BTBD2: variants seen among roughly 807,000 people sequenced by gnomAD.
BTBD2 encodes BTB domain containing 2, also known as BTB/POZ domain-containing protein 2.
In BTBD2, 15 loss-of-function variants were observed where a neutral mutation model predicts 44.0. The ratio of observed to expected loss-of-function variants is 0.34; its 90% CI spans 0.23 to 0.53. BTBD2 has a LOEUF of 0.53. BTBD2 is among the 20% of genes least tolerant of loss of function. BTBD2 has a pLI of 0.95. For synonymous variants in BTBD2, 443 were observed against 335.9 expected (o/e 1.32, Z -3.49); for missense variants, 657 against 746.4 (o/e 0.88, Z 1.39).
Position 1,986,316 on chromosome 19 carries a change from T to G in BTBD2, c.*172A>C. 1 of 798,850 alleles carries G rather than the reference T, an allele frequency of 1.3e-6. No homozygotes were observed. Among genetic ancestry groups the G allele is most frequent in the East Asian group, 2.7e-5 (1 of 36,832 alleles). 49.5% of individuals were successfully genotyped at this position (798,850 alleles called of 1,614,324 possible). A position where few individuals can be genotyped will look rare whatever the true frequency, so the allele number is the denominator to read the frequency against. On this transcript the variant is annotated 3_prime_UTR_variant, in exon 9 of 9. Coordinates refer to ENST00000255608, the MANE Select transcript of BTBD2 (RefSeq NM_017797.4). ...TGCCCTGATCCAGCAGCCACACTCGTGGTGAACACAGGGCAACCCCGTCCT... is the reference window on the plus strand; with the variant it reads ...TGCCCTGATCCAGCAGCCACACTCGGGGTGAACACAGGGCAACCCCGTCCT...
intron 1 of BTBD2, among the ~76,000 whole-genome samples, chr19:2,013,052 C>CACGG (rs1156954956): frequency 1.3e-5 from 2 of 152,186 alleles, no homozygotes; most frequent in East Asian, 1.9e-4. Context: ...GGGACGGCGA[C>CACGG]ACGGACGGCA....
rs2016078264 is a variant in BTBD2 at position 1,986,223 on chromosome 19, A to G, written c.*265T>C. The G allele has an allele frequency of 3.7e-5, 18 of 482,540 alleles. No individual in the cohort carries two copies. In the South Asian group the frequency reaches 5.0e-4, roughly 13 times the overall value. 29.9% of individuals were successfully genotyped at this position (482,540 alleles called of 1,614,324 possible). A position where few individuals can be genotyped will look rare whatever the true frequency, so the allele number is the denominator to read the frequency against. On this transcript the variant is annotated 3_prime_UTR_variant, in exon 9 of 9. Transcript: ENST00000255608. ...CGTGGGCCCTGGCCCAGGCCGGCAC[A>G]GCCCTGTCCCTAGTCCTGAGGGATT...
At chr19:1,992,815 G>T (rs1305493197) in intron 3 of BTBD2, among the ~76,000 whole-genome samples, 1 of 151,598 alleles carries the variant, frequency 6.6e-6, no homozygotes, top group Non-Finnish European at 1.5e-5. Context: ...CAGGTGATCT[G>T]CCCGCCTCGG....
chr19:2,010,948 TTTTC>T (rs2016456880), intron 1 of BTBD2, among the ~76,000 whole-genome samples: 1 of 152,098 alleles, frequency 6.6e-6, no homozygotes, highest in Non-Finnish European at 1.5e-5. Flanking sequence ...TCAGCTGCTG[TTTTC>T]TTTCTCTCTG....
chr19:1,996,313 G>C (rs11673577), intron 2 of BTBD2, among the ~76,000 whole-genome samples: 1 of 152,022 alleles, frequency 6.6e-6, no homozygotes, highest in East Asian at 1.9e-4. Context: ...ATGAATTCTA[G>C]GATAGTTTTT....
Position 1,993,092 on chromosome 19 carries a change from C to A in BTBD2, c.612G>T (p.Ala204=). 1 of 1,608,826 alleles carries A rather than the reference C, an allele frequency of 6.2e-7. No individual in the cohort carries two copies. Among genetic ancestry groups the A allele is most frequent in the Non-Finnish European group, 8.5e-7 (1 of 1,179,712 alleles). The part of the protein sequence containing the change: ...LYTAKKYAVP[A]LEAHCVEFLK... The stretch of plus-strand genomic sequence containing the variant: ...GGAACTCCACGCAATGGGCCTCGAG[C>A]GCTGGCACCGCGTACTTCTTGGCGG... Residue 204 remains alanine (A), a synonymous_variant, in exon 3 of 9, where the codon GCG becomes GCT. Coordinates refer to ENST00000255608, the MANE Select transcript of BTBD2 (RefSeq NM_017797.4).
chr19:2,007,595 G>C (rs1473326482), intron 1 of BTBD2, among the ~76,000 whole-genome samples: 3 of 152,244 alleles, frequency 2.0e-5, no homozygotes, highest in South Asian at 4.1e-4. Context: ...CAGTACTTTG[G>C]GAGGCCGGGG....
intron 2 of BTBD2, among the ~76,000 whole-genome samples, chr19:1,994,947 T>C (rs959947643): frequency 6.6e-6 from 1 of 152,110 alleles, no homozygotes; most frequent in South Asian, 2.1e-4. Flanking sequence ...CCCAATGTCA[T>C]GAAGATTTGA....
At chr19:2,012,803 G>A (rs555523771) in intron 1 of BTBD2, among the ~76,000 whole-genome samples, 5 of 152,254 alleles carry the variant, frequency 3.3e-5, no homozygotes, top group South Asian at 2.1e-4. Flanking sequence ...CCGAGCCAGC[G>A]GTCCCTCAAG....
chr19:1,993,213 G>T, intron 2 of BTBD2, 37 bp from the exon 3 acceptor site: 1 of 1,570,288 alleles, frequency 6.4e-7, no homozygotes. Flanking sequence ...AGGTGGGACC[G>T]CCATGCCCGC....
intron 1 of BTBD2, among the ~76,000 whole-genome samples, chr19:2,000,617 C>T (rs1348558882): frequency 1.3e-5 from 2 of 152,184 alleles, no homozygotes; most frequent in Non-Finnish European, 2.9e-5. Flanking sequence ...CTGGGCACCG[C>T]TACTGCCTCC....
intron 5 of BTBD2, 54 bp downstream of exon 5, chr19:1,989,950 C>T: frequency 6.3e-7 from 1 of 1,592,662 alleles, no homozygotes; most frequent in African/African-American, 1.3e-5. Context: ...ACCCAGATGC[C>T]CACCTGTGTG....
intron 4 of BTBD2, 182 bp from the exon 5 acceptor site, chr19:1,990,383 T>C (rs1256913127): frequency 1.5e-6 from 1 of 675,258 alleles, no homozygotes; most frequent in Non-Finnish European, 2.5e-6. Flanking sequence ...CCACGCCCCT[T>C]CATTTTCCTC....
At position 2,009,849 on chromosome 19, in the gene BTBD2, C is replaced by G. The variant is rs2016441240; in HGVS notation, c.407+5448G>C. ...TGGGCAATAGAGCAAGATTCTGTCTCAAAAAAACAAAAAAGGAGGGGAGGC... is the reference window on the plus strand; with the variant it reads ...TGGGCAATAGAGCAAGATTCTGTCTGAAAAAAACAAAAAAGGAGGGGAGGC... On this transcript the variant is annotated intron_variant, in intron 1 of 8. Transcript: ENST00000255608. 2.1e-5 allele frequency among the ~76,000 whole-genome samples: 3 copies of G among 145,618 alleles called. No individual in the cohort carries two copies. The South Asian group carries it at 6.5e-4, about 32-fold the overall frequency.
intron 1 of BTBD2, among the ~76,000 whole-genome samples, chr19:2,002,315 A>C (rs2016339635): frequency 6.6e-6 from 1 of 152,234 alleles, no homozygotes; most frequent in African/African-American, 2.4e-5. Context: ...CCCTGGGCTC[A>C]AGCGATCCTC....
chr19:1,998,407 G>A (rs1196745210), intron 1 of BTBD2, among the ~76,000 whole-genome samples: 1 of 152,240 alleles, frequency 6.6e-6, no homozygotes, highest in Non-Finnish European at 1.5e-5. Context: ...GGGCATGGAG[G>A]CCCAGGAACA....
At chr19:2,015,030 C>T (rs1344140469) in intron 1 of BTBD2, among the ~76,000 whole-genome samples, 2 of 146,946 alleles carry the variant, frequency 1.4e-5, no homozygotes, top group Non-Finnish European at 3.0e-5. Context: ...GGGTGCAGGC[C>T]GGGTCGGTTT....
At chr19:2,000,107 G>A (rs578048242) in intron 1 of BTBD2, among the ~76,000 whole-genome samples, 2 of 152,334 alleles carry the variant, frequency 1.3e-5, no homozygotes, top group South Asian at 4.1e-4. Flanking sequence ...CCTCCCTTGA[G>A]CCTCCAGAGG....
intron 3 of BTBD2, among the ~76,000 whole-genome samples, chr19:1,991,614 T>G (rs1319537540): frequency 6.6e-6 from 1 of 152,200 alleles, no homozygotes; most frequent in Non-Finnish European, 1.5e-5. Flanking sequence ...GCATCTGACC[T>G]GCCAGGATGG....
Sources: allele counts gnomAD v4.1 joint callset (sites outside exome capture counted in the v4.1 genomes callset), GRCh38; gene constraint gnomAD v4.1.1; transcripts MANE v1.5; gene names NCBI Gene and HGNC (gene_info 2026-07-23, HGNC 2026-07-21).